The following ADGRB3 variants were observed in gnomAD, a reference collection of about 807,000 sequenced individuals.
The protein encoded by ADGRB3 is adhesion G protein-coupled receptor B3, also known as brain-specific angiogenesis inhibitor 3.
ADGRB3 carries 37 observed loss-of-function variants against 193.4 expected under a neutral mutation model. The ratio of observed to expected loss-of-function variants is 0.19; its 90% CI spans 0.15 to 0.25. The LOEUF (loss-of-function observed/expected upper bound fraction) is 0.25. Among genes scored for constraint, ADGRB3 ranks in the 10% least tolerant of loss-of-function variants. The probability of loss-of-function intolerance (pLI) is 1.00; values close to 1 mark genes in which losing one functional copy is unlikely to be tolerated. For synonymous variants in ADGRB3, 690 were observed against 644.2 expected (o/e 1.07, Z -1.08); for missense variants, 1,637 against 1,852.9 (o/e 0.88, Z 2.14).
At chr6:69,097,098 C>T (rs1031481480) in intron 17 of ADGRB3, among the ~76,000 whole-genome samples, 1 of 152,148 alleles carries the variant, frequency 6.6e-6, no homozygotes, top group African/African-American at 2.4e-5. Flanking sequence ...GTAATGAGAA[C>T]TAAATACTAC....
intron 20 of ADGRB3, among the ~76,000 whole-genome samples, chr6:69,270,631 A>G (rs1767153083): frequency 6.6e-6 from 1 of 152,184 alleles, no homozygotes. Flanking sequence ...AAAACCTCAA[A>G]TATATTGAGT....
At chr6:69,196,759 A>G (rs1765305517) in intron 17 of ADGRB3, among the ~76,000 whole-genome samples, 1 of 152,120 alleles carries the variant, frequency 6.6e-6, no homozygotes, top group Non-Finnish European at 1.5e-5. Context: ...CACTTACATA[A>G]TGAGAGAGCA....
intron 17 of ADGRB3, among the ~76,000 whole-genome samples, chr6:69,098,540 C>T (rs1582458978): frequency 1.3e-5 from 2 of 152,188 alleles, no homozygotes; most frequent in African/African-American, 4.8e-5. Flanking sequence ...ATGAAACTTA[C>T]AATTATGGCA....
chr6:68,890,032 C>G (rs959278245), intron 3 of ADGRB3, among the ~76,000 whole-genome samples: 2 of 152,094 alleles, frequency 1.3e-5, no homozygotes, highest in African/African-American at 4.8e-5. Flanking sequence ...AATGATTTCT[C>G]AAAAGTATAT....
At position 68,904,716 on chromosome 6, in the gene ADGRB3, G is replaced by C. The variant is rs141208105; in HGVS notation, c.758-25843G>C. Among the ~76,000 whole-genome samples, 298 of 152,182 alleles carry C rather than the reference G, an allele frequency of 2.0e-3. 3 individuals carry two copies. Among genetic ancestry groups the C allele is most frequent in the African/African-American group, 5.8e-3 (242 of 41,544 alleles). On this transcript the variant is annotated intron_variant, in intron 3 of 31. Coordinates refer to ENST00000370598, the MANE Select transcript of ADGRB3 (RefSeq NM_001704.3). ...TAATTTATGTAATTATTGCTTATTG[G>C]TAGATACTTAGGTTGTTTCCATGGA... is the stretch of plus-strand genomic sequence containing the variant.
At chr6:68,727,711 C>A (rs1172010224) in intron 3 of ADGRB3, among the ~76,000 whole-genome samples, 1 of 151,454 alleles carries the variant, frequency 6.6e-6, no homozygotes, top group East Asian at 1.9e-4. Context: ...GATTTATCCT[C>A]CATGTGAAAT....
intron 3 of ADGRB3, among the ~76,000 whole-genome samples, chr6:68,732,421 A>C (rs1461266264): frequency 6.6e-6 from 1 of 151,984 alleles, no homozygotes; most frequent in Non-Finnish European, 1.5e-5. Context: ...AACTATTTAT[A>C]AAGGAAAATT....
chr6:69,365,953 T>C (rs1333517825), intron 29 of ADGRB3, among the ~76,000 whole-genome samples: 1 of 152,098 alleles, frequency 6.6e-6, no homozygotes, highest in Non-Finnish European at 1.5e-5. Flanking sequence ...ATTATGTCAT[T>C]ACTGTAATGC....
chr6:68,845,998 G>T (rs1433897078), intron 3 of ADGRB3, among the ~76,000 whole-genome samples: 1 of 152,150 alleles, frequency 6.6e-6, no homozygotes, highest in Non-Finnish European at 1.5e-5. Flanking sequence ...TGACCAAAAT[G>T]CTGATAATGA....
At chr6:69,203,451 G>GT (rs5877199) in intron 17 of ADGRB3, among the ~76,000 whole-genome samples, 21,149 of 146,762 alleles carry the variant, frequency 0.14, 1,543 homozygotes, top group Admixed American at 0.16. Context: ...CATTGTTTTT[G>GT]TTTTTTTTTT....
intron 3 of ADGRB3, among the ~76,000 whole-genome samples, chr6:68,925,993 T>G (rs1767168484): frequency 6.6e-6 from 1 of 152,054 alleles, no homozygotes. Flanking sequence ...GATAATAACC[T>G]TATTGACAGC....
intron 3 of ADGRB3, among the ~76,000 whole-genome samples, chr6:68,643,778 C>T (rs1461355451): frequency 2.0e-5 from 3 of 151,446 alleles, no homozygotes; most frequent in African/African-American, 7.3e-5. Context: ...ACTAAAAATA[C>T]AAAAATTAGC....
rs577216244 is a variant in ADGRB3, at chr6:69,063,618, G to A, written c.2436+582G>A. Among the ~76,000 whole-genome samples the A allele has an allele frequency of 2.0e-4, 31 of 152,056 alleles. No individual in the cohort carries two copies. In the South Asian group the frequency reaches 5.2e-3, roughly 25 times the overall value. ...GGGGGTGCTGGGTGGAGTGGGTAGC[G>A]TGTAGAAATACTAAGTCAAGGATCA... is the stretch of plus-strand genomic sequence containing the variant. On this transcript the variant is annotated intron_variant, in intron 16 of 31. Transcript: ENST00000370598.
chr6:69,009,303 C>T (rs1029803073), intron 11 of ADGRB3, among the ~76,000 whole-genome samples: 1 of 151,930 alleles, frequency 6.6e-6, no homozygotes, highest in Non-Finnish European at 1.5e-5. Flanking sequence ...GACTGTATAA[C>T]TGGGGAGGGG....
chr6:69,202,778 A>T (rs1765455845), intron 17 of ADGRB3, among the ~76,000 whole-genome samples: 1 of 152,144 alleles, frequency 6.6e-6, no homozygotes, highest in African/African-American at 2.4e-5. Context: ...CAGATACTTT[A>T]TTGGCAGCTA....
chr6:69,021,908 G>A (rs914620965), intron 13 of ADGRB3, among the ~76,000 whole-genome samples: 1 of 151,924 alleles, frequency 6.6e-6, no homozygotes, highest in East Asian at 1.9e-4. Flanking sequence ...TTTATAGGGA[G>A]CATGTTCATA....
chr6:69,370,368 C>G (rs979490949), intron 29 of ADGRB3, among the ~76,000 whole-genome samples: 1 of 152,046 alleles, frequency 6.6e-6, no homozygotes, highest in African/African-American at 2.4e-5. Flanking sequence ...TTTTCCCACT[C>G]TCTAATTTTT....
At chr6:69,171,488 T>A (rs927434454) in intron 17 of ADGRB3, among the ~76,000 whole-genome samples, 10 of 152,226 alleles carry the variant, frequency 6.6e-5, no homozygotes, top group African/African-American at 2.2e-4. Context: ...GTCCATTTGC[T>A]ATGGGGTAAG....
chr6:68,884,411 T>G (rs759721011), intron 3 of ADGRB3, among the ~76,000 whole-genome samples: 1 of 152,044 alleles, frequency 6.6e-6, no homozygotes, highest in Non-Finnish European at 1.5e-5. Flanking sequence ...TGACCTAAAT[T>G]GGATTGAGAG....
Sources: gnomAD v4.1 joint callset for allele counts (sites outside exome capture counted in the v4.1 genomes callset) on GRCh38, gnomAD v4.1.1 for gene constraint, MANE v1.5 for transcripts, NCBI Gene and HGNC (gene_info 2026-07-23, HGNC 2026-07-21) for gene names.